Variants in GALNT12 observed in about 807,000 individuals in gnomAD.
GALNT12 encodes the protein polypeptide N-acetylgalactosaminyltransferase 12, also known as UDP-GalNAc:polypeptide N-acetylgalactosaminyltransferase 12.
Under a neutral mutation model 55.5 loss-of-function variants are expected in GALNT12, and 45 were observed. That is an observed-to-expected ratio of 0.81 (90% confidence interval 0.64 to 1.04). The LOEUF (loss-of-function observed/expected upper bound fraction) is 1.04. GALNT12 is among the 50% of genes least tolerant of loss of function. GALNT12 has a pLI of 0.00. For synonymous variants in GALNT12, 304 were observed against 312.2 expected (o/e 0.97, Z 0.28); for missense variants, 709 against 754.8 (o/e 0.94, Z 0.71).
chr9:98,836,480 G>C (rs1344184510), intron 5 of GALNT12, among the ~76,000 whole-genome samples: 2 of 152,190 alleles, frequency 1.3e-5, no homozygotes, highest in Non-Finnish European at 1.5e-5. Context: ...GATGGGCTCA[G>C]ATGCCTTCGC....
At chr9:98,827,063 C>G in intron 3 of GALNT12, 122 bp downstream of exon 3, 1 of 1,038,230 alleles carries the variant, frequency 9.6e-7, no homozygotes, top group South Asian at 1.4e-5. Context: ...TTCTCTGTCA[C>G]TGGGCAGGAG....
chr9:98,839,749 T>C (rs1485684888), intron 6 of GALNT12, among the ~76,000 whole-genome samples: 1 of 152,180 alleles, frequency 6.6e-6, no homozygotes, highest in African/African-American at 2.4e-5. Context: ...CCTCTACCCT[T>C]GTGCACCTGG....
At chr9:98,838,140 C>A (rs766536897) in intron 6 of GALNT12, among the ~76,000 whole-genome samples, 46 of 152,148 alleles carry the variant, frequency 3.0e-4, no homozygotes, top group Non-Finnish European at 6.5e-4. Flanking sequence ...GGGTCTGTTA[C>A]CTCCCTCTAG....
intron 1 of GALNT12, among the ~76,000 whole-genome samples, chr9:98,816,651 C>G (rs1835617782): frequency 7.2e-6 from 1 of 138,634 alleles, no homozygotes; most frequent in Non-Finnish European, 1.6e-5. Context: ...AAGCAATTAA[C>G]TTTTTTTTTT....
intron 2 of GALNT12, 111 bp downstream of exon 2, chr9:98,823,536 G>A (rs1016073496): frequency 3.2e-5 from 28 of 878,502 alleles, no homozygotes; most frequent in Non-Finnish European, 5.1e-5. Flanking sequence ...TGGGCTTCCT[G>A]TATCCTCCTG....
chr9:98,821,588 G>A (rs1452618129), intron 1 of GALNT12, among the ~76,000 whole-genome samples: 3 of 127,342 alleles, frequency 2.4e-5, no homozygotes, highest in East Asian at 2.6e-4. Flanking sequence ...TCGTGCCACC[G>A]CACTCCAGCC....
At chr9:98,841,307 G>A (rs979920342) in intron 7 of GALNT12, among the ~76,000 whole-genome samples, 1 of 152,154 alleles carries the variant, frequency 6.6e-6, no homozygotes, top group African/African-American at 2.4e-5. Flanking sequence ...TTAGAGTCAG[G>A]ATCCACCTTT....
Position 98,826,771 on chromosome 9 carries a change from G to T in GALNT12, c.561G>T (p.Leu187Phe). The change falls in exon 3 of 10, where the codon TTG becomes TTT. Residue 187 changes from leucine to phenylalanine, a missense_variant. Leu to Phe is a conservative substitution (Grantham distance 22, BLOSUM62 0). This residue lies in a region of GALNT12 where 315 missense variants were observed against 288.6 expected (regional missense o/e 1.09). Coordinates refer to ENST00000375011, the MANE Select transcript of GALNT12 (RefSeq NM_024642.5). The stretch of plus-strand genomic sequence containing the variant: ...CCCTAGAGCACCTGAAGGAGCGCTT[G>T]GCCAATGAGCTTTCGGGACTGCCCA... ...YSDREHLKER[L>F]ANELSGLPKV... The T allele has an allele frequency of 1.2e-6, 2 of 1,611,714 alleles. No homozygotes were observed. The highest frequency in any genetic ancestry group is 1.7e-6 in the Non-Finnish European group (2 of 1,179,862).
chr9:98,808,947 G>A (rs1276602053), intron 1 of GALNT12, among the ~76,000 whole-genome samples: 1 of 152,224 alleles, frequency 6.6e-6, no homozygotes, highest in Non-Finnish European at 1.5e-5. Flanking sequence ...CAGAGAGGGG[G>A]TTCCCATTGG....
chr9:98,807,684 G>GA lies in GALNT12; in HGVS notation c.-15_-14insA, dbSNP rs2118254434. Reference sequence around the variant, plus strand: ...CCTTGGGGCGCGCAGATCGCTGGCTGCAGTTGGCGGGCGCATGTGGGGGCG... The same window carrying GA: ...CCTTGGGGCGCGCAGATCGCTGGCTGACAGTTGGCGGGCGCATGTGGGGGCG... On this transcript the variant is annotated 5_prime_UTR_variant, in exon 1 of 10. Coordinates refer to ENST00000375011, the MANE Select transcript of GALNT12 (RefSeq NM_024642.5). The GA allele has an allele frequency of 8.9e-7, 1 of 1,126,022 alleles. No individual in the cohort carries two copies. Among genetic ancestry groups the GA allele is most frequent in the South Asian group, 3.7e-5 (1 of 27,384 alleles). The allele number at this position is 1,126,022 out of a possible 1,614,324, so 69.8% of individuals were successfully genotyped here. A position where few individuals can be genotyped will look rare whatever the true frequency, so the allele number is the denominator to read the frequency against.
At chr9:98,828,348 C>T (rs796121506) in intron 3 of GALNT12, among the ~76,000 whole-genome samples, 20 of 152,270 alleles carry the variant, frequency 1.3e-4, no homozygotes, top group African/African-American at 4.3e-4. Context: ...GCAGCAGATT[C>T]GAGGCTCCTC....
chr9:98,836,489 G>A (rs1056635503), intron 5 of GALNT12, among the ~76,000 whole-genome samples: 3 of 152,082 alleles, frequency 2.0e-5, no homozygotes, highest in Admixed American at 6.5e-5. Flanking sequence ...AGATGCCTTC[G>A]CCTGTTGAGT....
rs1389833816 is a variant in GALNT12 at position 98,848,932 on chromosome 9, C to T, written c.1606-20C>T. 2 of 1,614,096 alleles carry T rather than the reference C, an allele frequency of 1.2e-6. No homozygotes were observed. Among genetic ancestry groups the T allele is most frequent in the Non-Finnish European group, 1.7e-6 (2 of 1,179,956 alleles). ...GAGACTTTTCTGATGACTTGCCTGT[C>T]ATTCTGTTATCTTTTGTAGGATGGA... On this transcript the variant is annotated intron_variant, in intron 9 of 9. Transcript: ENST00000375011.
intron 1 of GALNT12, among the ~76,000 whole-genome samples, chr9:98,818,432 T>C (rs1835665251): frequency 1.3e-5 from 2 of 152,068 alleles, no homozygotes; most frequent in African/African-American, 4.8e-5. Flanking sequence ...GCCACGTTGG[T>C]CAGGCTTGTC....
chr9:98,821,873 T>C (rs79837970), intron 1 of GALNT12, among the ~76,000 whole-genome samples: 3,648 of 152,246 alleles, frequency 0.024, 147 homozygotes, highest in African/African-American at 0.083. Flanking sequence ...CTCCTTTCCA[T>C]TTTCCATAGC....
chr9:98,847,997 A>C (rs1836460162), intron 9 of GALNT12, among the ~76,000 whole-genome samples: 1 of 151,944 alleles, frequency 6.6e-6, no homozygotes, highest in Non-Finnish European at 1.5e-5. Flanking sequence ...TATTTTTAGT[A>C]GAGATGGAGT....
chr9:98,849,659 G>A lies in GALNT12; in HGVS notation c.*567G>A, dbSNP rs1006209962. On this transcript the variant is annotated 3_prime_UTR_variant, in exon 10 of 10. Transcript: ENST00000375011. ...TAAAAAGAATGCTTTTTGGTTATGT[G>A]TTGCTACCACAGTTAACACTCCATA... 4.9e-6 allele frequency: 2 copies of A among 409,364 alleles called. No individual in the cohort carries two copies. Among genetic ancestry groups the A allele is most frequent in the Non-Finnish European group, 8.6e-6 (2 of 232,092 alleles). 25.4% of individuals were successfully genotyped at this position (409,364 alleles called of 1,614,324 possible).
At position 98,807,730 on chromosome 9, in the gene GALNT12, C is replaced by T. The variant is rs1009053405; in HGVS notation, c.32C>T (p.Pro11Leu). ...GGGCGCACGGCGCGGCGGCGCTGCC[C>T]GCGGGAACTGCGGCGCGGCCGGGAG... MWGRTARRRC[P>L]RELRRGREAL... is the part of the protein sequence containing the mutation. The change falls in exon 1 of 10, where the codon CCG (proline) becomes CTG (leucine). Residue 11 changes from proline (P) to leucine (L), a missense_variant. By Grantham distance (98) the Pro-to-Leu change is moderately conservative (BLOSUM62 -3). This residue lies in a region of GALNT12 where 110 missense variants were observed against 102.2 expected (regional missense o/e 1.08). Coordinates refer to ENST00000375011, the MANE Select transcript of GALNT12 (RefSeq NM_024642.5). 5.1e-6 allele frequency: 6 copies of T among 1,187,252 alleles called. No individual in the cohort carries two copies. Among genetic ancestry groups the T allele is most frequent in the African/African-American group, 3.3e-5 (2 of 61,306 alleles). 73.5% of individuals were successfully genotyped at this position (1,187,252 alleles called of 1,614,324 possible). A position where few individuals can be genotyped will look rare whatever the true frequency, so the allele number is the denominator to read the frequency against.
chr9:98,842,762 A>G (rs1836321071), intron 7 of GALNT12, among the ~76,000 whole-genome samples: 1 of 152,174 alleles, frequency 6.6e-6, no homozygotes, highest in Non-Finnish European at 1.5e-5. Flanking sequence ...TAACAGAAAT[A>G]TAATGAGAGC....
Sources: allele counts gnomAD v4.1 joint callset (sites outside exome capture counted in the v4.1 genomes callset), GRCh38; gene constraint gnomAD v4.1.1; regional missense constraint gnomAD v4.1.1; transcripts MANE v1.5; gene names NCBI Gene and HGNC (gene_info 2026-07-23, HGNC 2026-07-21).